ADGRG1: variants seen among roughly 807,000 people sequenced by gnomAD.
The protein encoded by ADGRG1 is 7-transmembrane protein with no EGF-like N-terminal domains-1.
A neutral mutation model predicts 73.5 loss-of-function variants in ADGRG1; 53 were observed. The ratio of observed to expected loss-of-function variants is 0.72; its 90% CI spans 0.58 to 0.91. ADGRG1 has a LOEUF of 0.91. ADGRG1 is among the 40% of genes least tolerant of loss of function. ADGRG1 has a pLI of 0.00. For synonymous variants in ADGRG1, 394 were observed against 374.4 expected, an observed-to-expected ratio of 1.05 and a Z score of -0.60; for missense variants, 795 against 871.8, an observed-to-expected ratio of 0.91 and a Z score of 1.11.
chr16:57,642,451 G>T (rs1235814773), intron 1 of ADGRG1: 1 of 985,384 alleles, frequency 1.0e-6, no homozygotes, highest in East Asian at 1.1e-4. Flanking sequence ...GTGCTGGCAG[G>T]CTTCTGTGTG....
chr16:57,627,750 G>A, upstream of ADGRG1: 2 of 973,470 alleles, frequency 2.1e-6, no homozygotes, highest in Non-Finnish European at 2.4e-6. Context: ...AGGGCAGACA[G>A]GAGCCTCTGC....
At chr16:57,653,864 C>T in intron 4 of ADGRG1, 122 bp from the exon 5 acceptor site, 1 of 1,576,656 alleles carries the variant, frequency 6.3e-7, no homozygotes, top group African/African-American at 1.4e-5. Context: ...CCTCTCTCTG[C>T]CTCTGCCTCT....
At chr16:57,656,332 G>A in intron 8 of ADGRG1, 61 bp downstream of exon 8, 2 of 1,609,026 alleles carry the variant, frequency 1.2e-6, no homozygotes, top group Non-Finnish European at 1.7e-6. Flanking sequence ...AGTCCTGGGG[G>A]GTGGGGGAGG....
rs1424943648 is a variant in ADGRG1 at position 57,665,135 on chromosome 16, A to T, written c.*1553A>T. On this transcript the variant is annotated 3_prime_UTR_variant, in exon 14 of 14. Transcript: ENST00000562631. ...ACCTTGGGGCCAATCAGGAAACATG[A>T]AAGAGAGAAGAGGGCTGTGTGTGAA... The T allele has an allele frequency of 6.6e-6, 1 of 151,908 alleles. No individual in the cohort carries two copies. The highest frequency in any genetic ancestry group is 1.5e-5 in the Non-Finnish European group (1 of 68,018). 9.4% of individuals were successfully genotyped at this position (151,908 alleles called of 1,614,324 possible).
Position 57,655,458 on chromosome 16 carries a change from G to A in ADGRG1, c.828G>A (p.Arg276=). 2 of 1,613,844 alleles carry A rather than the reference G, an allele frequency of 1.2e-6. No homozygotes were observed. The highest frequency in any genetic ancestry group is 1.7e-6 in the Non-Finnish European group (2 of 1,180,016). Reference sequence around the variant, plus strand: ...TGCTGCCTCGAACACTCTTCCAGAGGACGAAAGGCCGGAGCGGGGAGGCTG... The same window carrying A: ...TGCTGCCTCGAACACTCTTCCAGAGAACGAAAGGCCGGAGCGGGGAGGCTG... ...SVLLPRTLFQ[R]TKGRSGEAEK... is the part of the protein sequence containing the mutation. Residue 276 remains arginine, a synonymous_variant, in exon 6 of 14, where the codon AGG becomes AGA. Transcript: ENST00000562631.
At chr16:57,648,396 CA>C in intron 1 of ADGRG1, 1 of 945,752 alleles carries the variant, frequency 1.1e-6, no homozygotes, top group Non-Finnish European at 1.3e-6. Context: ...TCCTTCTTCT[CA>C]AAGGGCTCTG....
chr16:57,632,105 G>T (rs1460295463), intron 1 of ADGRG1: 2 of 985,354 alleles, frequency 2.0e-6, no homozygotes, highest in East Asian at 2.3e-4. Context: ...CCACTTTTCA[G>T]ATGAGGACAT....
At position 57,656,511 on chromosome 16, in the gene ADGRG1, C is replaced by T. The variant is rs2045776830; in HGVS notation, c.1064-3C>T. 1 of 1,608,764 alleles carries T rather than the reference C, an allele frequency of 6.2e-7. No individual in the cohort carries two copies. Among genetic ancestry groups the T allele is most frequent in the Non-Finnish European group, 8.5e-7 (1 of 1,175,172 alleles). On this transcript the variant is annotated splice_polypyrimidine_tract_variant and splice_region_variant and intron_variant, in intron 8 of 13. Transcript: ENST00000562631. Reference sequence around the variant, plus strand: ...TTGGAGCCCCGTGCTGTCCCCTCCTCAGTGAGCAGCCCGGGGCATTGGAGC... The same window carrying T: ...TTGGAGCCCCGTGCTGTCCCCTCCTTAGTGAGCAGCCCGGGGCATTGGAGC...
In ADGRG1 at chr16:57,646,759, G is replaced by A. The variant is rs545798999; in HGVS notation, c.-35-3494G>A. The A allele has an allele frequency of 1.1e-5, 10 of 934,122 alleles. No homozygotes were observed. In the South Asian group the frequency reaches 4.9e-4, roughly 46 times the overall value. 57.9% of individuals were successfully genotyped at this position (934,122 alleles called of 1,614,324 possible). On this transcript the variant is annotated intron_variant, in intron 1 of 13. Transcript: ENST00000562631. ...ACACACAGCCTTCCCCAGCCTCAGT[G>A]TCCGCATCTGTAAAATGGTAGCAGT...
intron 1 of ADGRG1, chr16:57,633,585 T>C: frequency 1.2e-6 from 1 of 862,130 alleles, no homozygotes; most frequent in Non-Finnish European, 1.4e-6. Context: ...GTCCCAGCTC[T>C]ACTGGCTGTG....
At chr16:57,653,855 CT>C (rs2044765461) in intron 4 of ADGRG1, 130 bp from the exon 5 acceptor site, 1 of 1,582,692 alleles carries the variant, frequency 6.3e-7, no homozygotes, top group Non-Finnish European at 8.5e-7. Context: ...CACCCCACCC[CT>C]CTCTCTGCCT....
rs777329430 is a variant in ADGRG1, at chr16:57,654,074, G to T, written c.709G>T (p.Val237Leu). The change falls in exon 5 of 14, where the codon GTG (valine) becomes TTG (leucine). Residue 237 changes from valine (V) to leucine (L), a missense_variant. Coordinates refer to ENST00000562631, the MANE Select transcript of ADGRG1 (RefSeq NM_201525.4). Reference sequence around the variant, plus strand: ...CGAGGAGGACCGGATCAACGCCACGGTGTGGAAGCTCCAGCCCACAGCCGG... The same window carrying T: ...CGAGGAGGACCGGATCAACGCCACGTTGTGGAAGCTCCAGCCCACAGCCGG... ...SFEEDRINAT[V>L]WKLQPTAGLQ... is the part of the protein sequence containing the mutation. The T allele has an allele frequency of 6.2e-7, 1 of 1,613,974 alleles. No individual in the cohort carries two copies. The highest frequency in any genetic ancestry group is 8.5e-7 in the Non-Finnish European group (1 of 1,180,036).
chr16:57,633,228 T>C, intron 1 of ADGRG1: 1 of 734,816 alleles, frequency 1.4e-6, no homozygotes, highest in Non-Finnish European at 1.7e-6. Context: ...AGTATGTACC[T>C]AGCACAGTGC....
chr16:57,637,911 G>A (rs1180243224), intron 1 of ADGRG1, among the ~76,000 whole-genome samples: 1 of 152,212 alleles, frequency 6.6e-6, no homozygotes, highest in Non-Finnish European at 1.5e-5. Flanking sequence ...GCTTGTAGCT[G>A]GTTGACTGAG....
intron 1 of ADGRG1, among the ~76,000 whole-genome samples, chr16:57,649,652 C>T (rs1479456659): frequency 6.6e-6 from 1 of 152,120 alleles, no homozygotes; most frequent in Non-Finnish European, 1.5e-5. Context: ...TAAGATAATC[C>T]CGTCACTCTG....
chr16:57,642,398 C>G, intron 1 of ADGRG1: 1 of 985,242 alleles, frequency 1.0e-6, no homozygotes, highest in Non-Finnish European at 1.2e-6. Flanking sequence ...AGCTAATGAC[C>G]TTTGGGACAG....
intron 5 of ADGRG1, 72 bp from the exon 6 acceptor site, chr16:57,655,327 G>GTA: frequency 6.3e-7 from 1 of 1,598,916 alleles, no homozygotes; most frequent in East Asian, 2.2e-5. Context: ...GGGTGTGTGT[G>GTA]TGTGTGTGCT....
chr16:57,654,101 C>T lies in ADGRG1; in HGVS notation c.736C>T (p.Leu246Phe). Residue 246 changes from leucine to phenylalanine, a missense_variant, in exon 5 of 14, where the codon CTC becomes TTC. Coordinates refer to ENST00000562631, the MANE Select transcript of ADGRG1 (RefSeq NM_201525.4). ...GTGGAAGCTCCAGCCCACAGCCGGC[C>T]TCCAGGACCTGCACATCCACTCCCG... ...TVWKLQPTAGLQDLHIHSRQE... is the reference protein window; with the variant it reads ...TVWKLQPTAGFQDLHIHSRQE... 6.2e-7 allele frequency: 1 copy of T among 1,613,670 alleles called. No homozygotes were observed. Among genetic ancestry groups the T allele is most frequent in the Non-Finnish European group, 8.5e-7 (1 of 1,180,028 alleles).
intron 1 of ADGRG1, among the ~76,000 whole-genome samples, chr16:57,638,985 G>A (rs186555092): frequency 2.1e-3 from 325 of 152,068 alleles, no homozygotes; most frequent in Non-Finnish European, 2.4e-3. Flanking sequence ...CAGGAGAATC[G>A]CTTGAAACTG....
Sources: gnomAD v4.1 joint callset for allele counts (sites outside exome capture counted in the v4.1 genomes callset) on GRCh38, gnomAD v4.1.1 for gene constraint, MANE v1.5 for transcripts, NCBI Gene and HGNC (gene_info 2026-07-23, HGNC 2026-07-21) for gene names.